The following PTAR1 variants were observed in gnomAD, a reference collection of about 807,000 sequenced individuals.
The protein encoded by PTAR1 is protein prenyltransferase alpha subunit repeat containing 1, also known as protein prenyltransferase alpha subunit repeat-containing protein 1.
A neutral mutation model predicts 45.5 loss-of-function variants in PTAR1; 17 were observed. That is an observed-to-expected ratio of 0.37 (90% CI 0.26 to 0.56). The LOEUF (loss-of-function observed/expected upper bound fraction) is 0.56, where lower values mean the gene tolerates loss of function less well. Among genes scored for constraint, PTAR1 ranks in the 20% least tolerant of loss-of-function variants. PTAR1 has a pLI of 0.77. For synonymous variants in PTAR1, 169 were observed against 171.3 expected (o/e 0.99, Z 0.11); for missense variants, 391 against 476.3 (o/e 0.82, Z 1.67).
intron 5 of PTAR1, 148 bp from the exon 6 acceptor site, chr9:69,723,778 C>G: frequency 1.6e-6 from 1 of 642,824 alleles, no homozygotes; most frequent in South Asian, 2.1e-5. Flanking sequence ...GCACAGTGCT[C>G]TCACTTAGTG....
chr9:69,742,653 A>G (rs892939068), intron 2 of PTAR1, among the ~76,000 whole-genome samples: 1 of 152,064 alleles, frequency 6.6e-6, no homozygotes, highest in Non-Finnish European at 1.5e-5. Flanking sequence ...GCATTTCCAG[A>G]TTGTCTTTAA....
In PTAR1 at chr9:69,716,222, C is replaced by G. The variant is rs1189023475; in HGVS notation, c.*2120G>C. ...ACATATTTTAGTGGAATGGGCTGAA[C>G]CACCCATGTCTTCTCTGTGTAGTTT... On this transcript the variant is annotated 3_prime_UTR_variant, in exon 8 of 8. Transcript: ENST00000340434. The G allele has an allele frequency of 6.6e-6, 1 of 152,024 alleles. No homozygotes were observed. The highest frequency in any genetic ancestry group is 1.5e-5 in the Non-Finnish European group (1 of 67,992). 9.4% of individuals were successfully genotyped at this position (152,024 alleles called of 1,614,324 possible).
In PTAR1 at chr9:69,714,343, A is replaced by AT. The variant is rs397716530; in HGVS notation, c.*3998dup. 3 of 151,626 alleles carry AT rather than the reference A, an allele frequency of 2.0e-5. No individual in the cohort carries two copies. Among genetic ancestry groups the AT allele is most frequent in the Non-Finnish European group, 2.9e-5 (2 of 67,854 alleles). 9.4% of individuals were successfully genotyped at this position (151,626 alleles called of 1,614,324 possible). On this transcript the variant is annotated 3_prime_UTR_variant, in exon 8 of 8. Coordinates refer to ENST00000340434, the MANE Select transcript of PTAR1 (RefSeq NM_001099666.2). ...TAAAACAGCTTTTTAGAAAAAAAAA[A>AT]TCATGTTACTTCCCTTTACAACTAA...
chr9:69,718,183 C>A lies in PTAR1; in HGVS notation c.*159G>T. ...TCCCCACAGGAATGCCAGTTATTAA[C>A]AAAATAAATAAAATGAAAGATTTAC... On this transcript the variant is annotated 3_prime_UTR_variant, in exon 8 of 8. Transcript: ENST00000340434. 1 of 527,978 alleles carries A rather than the reference C, an allele frequency of 1.9e-6. No homozygotes were observed. Among genetic ancestry groups the A allele is most frequent in the Non-Finnish European group, 3.3e-6 (1 of 302,960 alleles). The allele number at this position is 527,978 out of a possible 1,614,324, so 32.7% of individuals were successfully genotyped here.
At chr9:69,759,552 G>A (rs1443930621) in intron 1 of PTAR1, among the ~76,000 whole-genome samples, 2 of 152,306 alleles carry the variant, frequency 1.3e-5, no homozygotes, top group Non-Finnish European at 2.9e-5. Context: ...GTCGACCTAC[G>A]GGGGACGTCT....
At chr9:69,722,989 C>G (rs1825094284) in intron 6 of PTAR1, among the ~76,000 whole-genome samples, 1 of 148,584 alleles carries the variant, frequency 6.7e-6, no homozygotes, top group African/African-American at 2.5e-5. Context: ...CCTAGATATG[C>G]TAAATATTAG....
intron 3 of PTAR1, among the ~76,000 whole-genome samples, chr9:69,739,419 A>T (rs574038904): frequency 3.6e-4 from 48 of 131,662 alleles, no homozygotes; most frequent in African/African-American, 1.7e-3. Context: ...AGTTTTCTTT[A>T]AAAAAAAAAA....
At chr9:69,723,002 T>C (rs1030649008) in intron 6 of PTAR1, among the ~76,000 whole-genome samples, 6 of 150,624 alleles carry the variant, frequency 4.0e-5, no homozygotes, top group South Asian at 4.2e-4. Context: ...AATATTAGTA[T>C]CTCCAAGGAA....
intron 5 of PTAR1, among the ~76,000 whole-genome samples, chr9:69,725,428 A>G (rs1310736675): frequency 6.6e-6 from 1 of 151,908 alleles, no homozygotes; most frequent in East Asian, 1.9e-4. Context: ...TGTCTCTACT[A>G]AAAATACAAA....
Position 69,723,530 on chromosome 9 carries a change from A to G in PTAR1, c.743T>C (p.Ile248Thr), listed in dbSNP as rs1463330259. Residue 248 changes from isoleucine to threonine, a missense_variant, in exon 6 of 8, where the codon ATT becomes ACT. Around this residue, in one of 5 missense-constraint regions of PTAR1, gnomAD observed 181 missense variants for 227.7 expected, o/e 0.80. Transcript: ENST00000340434. ...HYRQFLLKSLISQTVIDSSVM... is the reference protein window; with the variant it reads ...HYRQFLLKSLTSQTVIDSSVM... ...AGAACTGTCTATCACAGTTTGGCTA[A>G]TCAAAGACTTAAGCAAAAACTGGCG... 2 of 1,613,798 alleles carry G rather than the reference A, an allele frequency of 1.2e-6. No homozygotes were observed. The highest frequency in any genetic ancestry group is 1.7e-5 in the Admixed American group (1 of 59,998).
chr9:69,740,718 T>C (rs1475156199), intron 3 of PTAR1, among the ~76,000 whole-genome samples: 1 of 151,554 alleles, frequency 6.6e-6, no homozygotes, highest in African/African-American at 2.4e-5. Flanking sequence ...AAGTTCATGG[T>C]ACCTTCCTAA....
At chr9:69,744,398 TTCTC>T (rs1826178356) in intron 2 of PTAR1, among the ~76,000 whole-genome samples, 1 of 152,014 alleles carries the variant, frequency 6.6e-6, no homozygotes, top group South Asian at 2.1e-4. Context: ...TTTTTTTTTT[TTCTC>T]TGAGACGGAG....
At chr9:69,723,651 A>G (rs757047178) in intron 5 of PTAR1, 21 bp from the exon 6 acceptor site, 1 of 1,548,834 alleles carries the variant, frequency 6.5e-7, no homozygotes, top group Non-Finnish European at 8.8e-7. Context: ...GAAAAAAGGG[A>G]AGTAAGAAGA....
In PTAR1 at chr9:69,713,881, C is replaced by T. The variant is rs1484706719; in HGVS notation, c.*4461G>A. On this transcript the variant is annotated 3_prime_UTR_variant, in exon 8 of 8. Coordinates refer to ENST00000340434, the MANE Select transcript of PTAR1 (RefSeq NM_001099666.2). Reference sequence around the variant, plus strand: ...TCTCACTGAAGGATAAAATACCCTACGGGGCCATGCCTAGCGATGGGAATA... The same window carrying T: ...TCTCACTGAAGGATAAAATACCCTATGGGGCCATGCCTAGCGATGGGAATA... 3 of 152,214 alleles carry T rather than the reference C, an allele frequency of 2.0e-5. No homozygotes were observed. The highest frequency in any genetic ancestry group is 1.9e-4 in the East Asian group (1 of 5,194). The allele number at this position is 152,214 out of a possible 1,614,324, so 9.4% of individuals were successfully genotyped here.
At chr9:69,739,576 TTTGAAAAATGCA>T (rs1187047711) in intron 3 of PTAR1, among the ~76,000 whole-genome samples, 16 of 152,176 alleles carry the variant, frequency 1.1e-4, no homozygotes. Context: ...TCTTTAGCAG[TTTGAAAAATGCA>T]TTAAAAAATC....
intron 5 of PTAR1, among the ~76,000 whole-genome samples, chr9:69,727,778 T>C (rs1353320531): frequency 6.6e-6 from 1 of 152,092 alleles, no homozygotes; most frequent in African/African-American, 2.4e-5. Flanking sequence ...TGTTCTTTAT[T>C]GTTTTTCCCA....
intron 5 of PTAR1, among the ~76,000 whole-genome samples, chr9:69,726,844 TA>T (rs1410758576): frequency 6.6e-6 from 1 of 151,990 alleles, no homozygotes; most frequent in African/African-American, 2.4e-5. Flanking sequence ...CTTTACATAT[TA>T]AAGATATTAA....
At position 69,714,193 on chromosome 9, in the gene PTAR1, G is replaced by A. The variant is rs1303128439; in HGVS notation, c.*4149C>T. 3 of 152,082 alleles carry A rather than the reference G, an allele frequency of 2.0e-5. No individual in the cohort carries two copies. The highest frequency in any genetic ancestry group is 4.4e-5 in the Non-Finnish European group (3 of 67,992). 9.4% of individuals were successfully genotyped at this position (152,082 alleles called of 1,614,324 possible). On this transcript the variant is annotated 3_prime_UTR_variant, in exon 8 of 8. Coordinates refer to ENST00000340434, the MANE Select transcript of PTAR1 (RefSeq NM_001099666.2). ...CACATAAAGTGCTAGGGTTTGCACA[G>A]TTCTATTTGAGAAATTTATTCAAGA...
chr9:69,724,258 A>C (rs1265363736), intron 5 of PTAR1, among the ~76,000 whole-genome samples: 4 of 152,176 alleles, frequency 2.6e-5, no homozygotes, highest in Non-Finnish European at 4.4e-5. Flanking sequence ...AGTAATAATA[A>C]ATGGGTTTTA....
Sources: allele counts gnomAD v4.1 joint callset (sites outside exome capture counted in the v4.1 genomes callset), GRCh38; gene constraint gnomAD v4.1.1; regional missense constraint gnomAD v4.1.1; transcripts MANE v1.5; gene names NCBI Gene and HGNC (gene_info 2026-07-23, HGNC 2026-07-21).